MCC: variants seen among roughly 807,000 people sequenced by gnomAD.
MCC encodes colorectal mutant cancer protein.
A neutral mutation model predicts 116.2 loss-of-function variants in MCC; 90 were observed. The ratio of observed to expected loss-of-function variants is 0.77; its 90% CI spans 0.65 to 0.92. The LOEUF is 0.92. MCC is among the 40% of genes least tolerant of loss of function. MCC has a pLI of 0.00. For synonymous variants in MCC, 578 were observed against 510.5 expected, an observed-to-expected ratio of 1.13 and a Z score of -1.78; for missense variants, 1,516 against 1,312.2, an observed-to-expected ratio of 1.16 and a Z score of -2.40.
chr5:113,091,414 A>T (rs192584781), intron 8 of MCC, among the ~76,000 whole-genome samples: 22 of 152,330 alleles, frequency 1.4e-4, no homozygotes, highest in Admixed American at 1.2e-3. Context: ...CAAAAGATAA[A>T]ACAAGAGAGC....
intron 3 of MCC, among the ~76,000 whole-genome samples, chr5:113,182,877 G>C (rs1424956459): frequency 6.6e-6 from 1 of 152,228 alleles, no homozygotes; most frequent in East Asian, 1.9e-4. Context: ...TGTCACAGGA[G>C]GCTTGTGACG....
At chr5:113,470,289 C>A (rs1580417965) in intron 1 of MCC, among the ~76,000 whole-genome samples, 1 of 152,290 alleles carries the variant, frequency 6.6e-6, no homozygotes, top group African/African-American at 2.4e-5. Context: ...ATCGTCTTTA[C>A]AATTTGGCAT....
chr5:113,084,514 C>T (rs1008534244), intron 9 of MCC, among the ~76,000 whole-genome samples: 2 of 152,208 alleles, frequency 1.3e-5, no homozygotes, highest in Non-Finnish European at 2.9e-5. Context: ...TAGACATTGC[C>T]AAATGTCCCC....
intron 1 of MCC, among the ~76,000 whole-genome samples, chr5:113,411,849 G>T (rs1770001818): frequency 6.6e-6 from 1 of 152,118 alleles, no homozygotes; most frequent in African/African-American, 2.4e-5. Context: ...CCTTGCCTAT[G>T]CCTATGTCCT....
intron 1 of MCC, among the ~76,000 whole-genome samples, chr5:113,430,752 G>A (rs1186302158): frequency 6.6e-6 from 1 of 152,150 alleles, no homozygotes; most frequent in Non-Finnish European, 1.5e-5. Context: ...ACAGAAGCTG[G>A]TACAGAGGTC....
At chr5:113,114,120 CAA>C (rs1158691882) in intron 6 of MCC, among the ~76,000 whole-genome samples, 2 of 151,296 alleles carry the variant, frequency 1.3e-5, no homozygotes, top group Non-Finnish European at 2.9e-5. Context: ...CAAATGGGAG[CAA>C]GAGAGAGAAA....
intron 3 of MCC, among the ~76,000 whole-genome samples, chr5:113,175,454 G>C (rs988152186): frequency 6.6e-6 from 1 of 152,150 alleles, no homozygotes; most frequent in African/African-American, 2.4e-5. Context: ...ATTCCAGGAA[G>C]ACTAAGTTAA....
At chr5:113,247,554 A>G (rs1581313614) in intron 3 of MCC, among the ~76,000 whole-genome samples, 1 of 152,206 alleles carries the variant, frequency 6.6e-6, no homozygotes, top group East Asian at 1.9e-4. Flanking sequence ...TAAAAGTGGT[A>G]TATACAAGGC....
At chr5:113,195,036 C>A (rs901189624) in intron 3 of MCC, among the ~76,000 whole-genome samples, 1 of 152,146 alleles carries the variant, frequency 6.6e-6, no homozygotes, top group Non-Finnish European at 1.5e-5. Flanking sequence ...AGCATCCATG[C>A]CCATTTCAGA....
At position 113,071,088 on chromosome 5, in the gene MCC, G is replaced by GCCTCTCGCTGTCTT. The variant is rs11283943; in HGVS notation, c.1925+5_1925+6insAAGACAGCGAGAGG. ...AGTAGCTCCAAACATCCCAGTGTGTGCCTACCTGTACTGCAAGGCCAGCCT... is the reference window on the plus strand; with the variant it reads ...AGTAGCTCCAAACATCCCAGTGTGTGCCTCTCGCTGTCTTCCTACCTGTACTGCAAGGCCAGCCT... On this transcript the variant is annotated splice_donor_region_variant and intron_variant, in intron 12 of 18. Transcript: ENST00000408903. 6.3e-7 allele frequency: 1 copy of GCCTCTCGCTGTCTT among 1,599,790 alleles called. No individual in the cohort carries two copies. Among genetic ancestry groups the GCCTCTCGCTGTCTT allele is most frequent in the African/African-American group, 1.3e-5 (1 of 74,398 alleles).
intron 8 of MCC, among the ~76,000 whole-genome samples, chr5:113,087,588 G>GTGGAGACTTGCAACCTC (rs1291775609): frequency 6.6e-6 from 1 of 152,132 alleles, no homozygotes; most frequent in African/African-American, 2.4e-5. Flanking sequence ...AAACCTCCCG[G>GTGGAGACTTGCAACCTC]TGGAGACTTG....
intron 1 of MCC, among the ~76,000 whole-genome samples, chr5:113,425,417 G>GAC (rs3884100): frequency 0.3 from 45,705 of 151,988 alleles, 8,874 homozygotes; most frequent in African/African-American, 0.54. Flanking sequence ...TCACAAGAAA[G>GAC]AGAAACACAG....
intron 3 of MCC, chr5:113,269,049 G>T: frequency 2.1e-6 from 1 of 486,490 alleles, no homozygotes; most frequent in Non-Finnish European, 2.7e-6. Flanking sequence ...AAACTAAGAA[G>T]GCAGCAGCAC....
intron 1 of MCC, among the ~76,000 whole-genome samples, chr5:113,460,537 C>A (rs1374742313): frequency 2.0e-5 from 3 of 152,212 alleles, no homozygotes; most frequent in Admixed American, 2.0e-4. Context: ...GCAATCATTT[C>A]TCCCCATTAC....
intron 1 of MCC, among the ~76,000 whole-genome samples, chr5:113,391,729 A>C (rs1447146236): frequency 6.6e-6 from 1 of 150,942 alleles, no homozygotes; most frequent in Non-Finnish European, 1.5e-5. Flanking sequence ...TGGGGAAAAA[A>C]AAAAAAGCTG....
intron 3 of MCC, among the ~76,000 whole-genome samples, chr5:113,188,379 G>A (rs1360783268): frequency 6.6e-6 from 1 of 152,148 alleles, no homozygotes; most frequent in Non-Finnish European, 1.5e-5. Context: ...AAGAAACACA[G>A]AGTCACATGT....
At chr5:113,259,067 A>G (rs4705810) in intron 3 of MCC, among the ~76,000 whole-genome samples, 16,411 of 152,156 alleles carry the variant, frequency 0.11, 1,401 homozygotes, top group Admixed American at 0.25. Context: ...TTTATTTTAA[A>G]CCCACCCATA....
intron 4 of MCC, among the ~76,000 whole-genome samples, chr5:113,147,949 A>G (rs1759625564): frequency 6.6e-6 from 1 of 152,242 alleles, no homozygotes; most frequent in Non-Finnish European, 1.5e-5. Context: ...AGAGGTAGAA[A>G]ATTCAGGAGA....
Position 113,143,222 on chromosome 5 carries a change from T to C in MCC, c.880A>G (p.Ile294Val), listed in dbSNP as rs144395184. ...KKIDRLQGTT[I>V]REEDEYSELR... Reference sequence around the variant, plus strand: ...AAGCCGAATGGAGCCGCGTACCTGATGGTGGTGCCTTGCAGACGGTCTATC... The same window carrying C: ...AAGCCGAATGGAGCCGCGTACCTGACGGTGGTGCCTTGCAGACGGTCTATC... Residue 294 changes from isoleucine to valine, a missense_variant, in exon 5 of 19, where the codon ATC becomes GTC. Transcript: ENST00000408903. 3 of 1,600,980 alleles carry C rather than the reference T, an allele frequency of 1.9e-6. No homozygotes were observed. The highest frequency in any genetic ancestry group is 2.2e-5 in the South Asian group (2 of 89,312).
Sources: gnomAD v4.1 joint callset for allele counts (sites outside exome capture counted in the v4.1 genomes callset) on GRCh38, gnomAD v4.1.1 for gene constraint, MANE v1.5 for transcripts, NCBI Gene and HGNC (gene_info 2026-07-23, HGNC 2026-07-21) for gene names.